CPNE7: variants seen among roughly 807,000 people sequenced by gnomAD.
CPNE7 encodes the protein copine 7, also known as copine-7.
CPNE7 carries 78 observed loss-of-function variants against 66.5 expected under a neutral mutation model. The ratio of observed to expected loss-of-function variants is 1.17; its 90% CI spans 0.98 to 1.42. The LOEUF is 1.42. CPNE7 is among the 40% of genes most tolerant of loss of function. The probability of loss-of-function intolerance (pLI) is 0.00; values close to 1 mark genes in which losing one functional copy is unlikely to be tolerated. For synonymous variants in CPNE7, 468 were observed against 336.7 expected, an observed-to-expected ratio of 1.39 and a Z score of -4.27; for missense variants, 1,012 against 776.6, an observed-to-expected ratio of 1.30 and a Z score of -3.60.
chr16:89,585,798 G>C lies in CPNE7; in HGVS notation c.780+13G>C, dbSNP rs1429302070. On this transcript the variant is annotated intron_variant, in intron 7 of 14. Transcript: ENST00000319518. ...TGAGGAGGGGCAGGTGAGCAGGACG[G>C]GGTAGGGGGTCCTCCAGGGAGGGTC... 6.9e-7 allele frequency: 1 copy of C among 1,439,270 alleles called. No individual in the cohort carries two copies. Among genetic ancestry groups the C allele is most frequent in the East Asian group, 2.6e-5 (1 of 37,856 alleles). 89.2% of individuals were successfully genotyped at this position (1,439,270 alleles called of 1,614,324 possible).
intron 3 of CPNE7, 39 bp downstream of exon 3, chr16:89,583,810 C>T (rs955171010): frequency 6.2e-6 from 10 of 1,603,882 alleles, no homozygotes; most frequent in South Asian, 1.1e-5. Flanking sequence ...GCAGGCCCTG[C>T]TGCTGTGGCT....
At position 89,580,434 on chromosome 16, in the gene CPNE7, A is replaced by AACATCCCATCACCCATCACACG. The variant is rs2058935465; in HGVS notation, c.357+2713_357+2714insACATCCCATCACCCATCACACG. Among the ~76,000 whole-genome samples the AACATCCCATCACCCATCACACG allele has an allele frequency of 3.1e-5, 2 of 65,444 alleles. 1 individual carries two copies. Among genetic ancestry groups the AACATCCCATCACCCATCACACG allele is most frequent in the Non-Finnish European group, 6.2e-5 (2 of 32,222 alleles). 42.9% of individuals were successfully genotyped at this position (65,444 alleles called of 152,430 possible). A position where few individuals can be genotyped will look rare whatever the true frequency, so the allele number is the denominator to read the frequency against. Reference sequence around the variant, plus strand: ...CGGAACATCCCATCACCCATCACACAGAACATCTCACCCATCACACGGAAC... The same window carrying AACATCCCATCACCCATCACACG: ...CGGAACATCCCATCACCCATCACACAACATCCCATCACCCATCACACGGAACATCTCACCCATCACACGGAAC... On this transcript the variant is annotated intron_variant, in intron 2 of 14. Transcript: ENST00000319518.
At chr16:89,592,275 A>G (rs2059185755) in intron 13 of CPNE7, among the ~76,000 whole-genome samples, 2 of 151,078 alleles carry the variant, frequency 1.3e-5, no homozygotes, top group African/African-American at 2.4e-5. Context: ...CGGCCTCCCA[A>G]AGTGCTGGGA....
At chr16:89,589,275 G>A (rs2059134136) in intron 10 of CPNE7, among the ~76,000 whole-genome samples, 1 of 152,182 alleles carries the variant, frequency 6.6e-6, no homozygotes. Flanking sequence ...CTGGGTGACA[G>A]AGCAAGACTC....
chr16:89,593,886 G>T (rs910620567), intron 13 of CPNE7, among the ~76,000 whole-genome samples: 11 of 152,174 alleles, frequency 7.2e-5, no homozygotes, highest in Non-Finnish European at 1.3e-4. Context: ...TTCCTGTGTG[G>T]CTGGGAAGCG....
At chr16:89,591,722 CAG>C (rs2059172603) in intron 13 of CPNE7, among the ~76,000 whole-genome samples, 1 of 152,140 alleles carries the variant, frequency 6.6e-6, no homozygotes, top group Non-Finnish European at 1.5e-5. Context: ...TTTTGTGAGA[CAG>C]AGTCTCACTC....
chr16:89,581,294 G>C (rs1399226451), intron 2 of CPNE7, among the ~76,000 whole-genome samples: 1 of 146,608 alleles, frequency 6.8e-6, no homozygotes, highest in Non-Finnish European at 1.5e-5. Flanking sequence ...CAGTCACACA[G>C]AACATCCCGT....
chr16:89,589,609 C>T (rs1474702255), intron 10 of CPNE7, among the ~76,000 whole-genome samples: 1 of 152,186 alleles, frequency 6.6e-6, no homozygotes, highest in Non-Finnish European at 1.5e-5. Flanking sequence ...CAGGACCCCT[C>T]CCGTGGTCTG....
In CPNE7 at chr16:89,595,535, C is replaced by T. The variant is rs773649602; in HGVS notation, c.1471C>T (p.Arg491Cys). ...CCTGGACGGCGACGACGGCGTCCTGCGCTCCCCACGGGGTGAGCCCGCGCT... is the reference window on the plus strand; with the variant it reads ...CCTGGACGGCGACGACGGCGTCCTGTGCTCCCCACGGGGTGAGCCCGCGCT... ...QVLDGDDGVLRSPRGEPALRD... is the reference protein window; with the variant it reads ...QVLDGDDGVLCSPRGEPALRD... The change falls in exon 14 of 15, where the codon CGC (arginine) becomes TGC (cysteine). Residue 491 changes from arginine to cysteine, a missense_variant. By Grantham distance (180) the Arg-to-Cys change is radical (BLOSUM62 -3). Transcript: ENST00000319518. The T allele has an allele frequency of 3.9e-5, 63 of 1,612,398 alleles. No individual in the cohort carries two copies. Among genetic ancestry groups the T allele is most frequent in the Admixed American group, 8.3e-5 (5 of 59,982 alleles).
intron 2 of CPNE7, 107 bp from the exon 3 acceptor site, chr16:89,583,590 T>A: frequency 6.2e-7 from 1 of 1,604,798 alleles, no homozygotes; most frequent in South Asian, 1.1e-5. Context: ...TGGTGGGGGA[T>A]GGGGAGACAG....
Position 89,584,908 on chromosome 16 carries a change from C to T in CPNE7, c.591+51C>T. The T allele has an allele frequency of 6.7e-7, 1 of 1,501,332 alleles. No homozygotes were observed. The highest frequency in any genetic ancestry group is 9.2e-7 in the Non-Finnish European group (1 of 1,082,356). The allele number at this position is 1,501,332 out of a possible 1,614,324, so 93.0% of individuals were successfully genotyped here. A position where few individuals can be genotyped will look rare whatever the true frequency, so the allele number is the denominator to read the frequency against. ...GGGAGGGGAAGGGGCTGTCCCCAGC[C>T]CTCACGCATCTCTGGCCACATGGGA... On this transcript the variant is annotated intron_variant, in intron 5 of 14. Transcript: ENST00000319518. This position sits in a 1 kb window ranked among gnomAD's most constrained non-coding sequence, Gnocchi z 6.0.
intron 2 of CPNE7, among the ~76,000 whole-genome samples, chr16:89,582,641 G>T (rs2058973538): frequency 6.6e-6 from 1 of 152,190 alleles, no homozygotes; most frequent in Admixed American, 6.5e-5. Context: ...AACCTGACTT[G>T]ACTTCCCCAG....
intron 11 of CPNE7, 53 bp downstream of exon 11, chr16:89,590,004 C>T: frequency 6.3e-7 from 1 of 1,599,988 alleles, no homozygotes; most frequent in South Asian, 1.1e-5. Flanking sequence ...TCGTGCCCTC[C>T]CAGGCAGAGG....
intron 2 of CPNE7, among the ~76,000 whole-genome samples, chr16:89,579,219 G>A (rs1443786585): frequency 6.6e-6 from 1 of 151,892 alleles, no homozygotes; most frequent in East Asian, 1.9e-4. Flanking sequence ...TTGAACCTGG[G>A]AGGCAGAGGT....
intron 6 of CPNE7, 21 bp downstream of exon 6, chr16:89,585,574 AG>A: frequency 6.6e-7 from 1 of 1,516,682 alleles, no homozygotes; most frequent in Non-Finnish European, 9.1e-7. Context: ...GGATGGACCA[AG>A]GGGGCAGTGA....
intron 7 of CPNE7, 39 bp from the exon 8 acceptor site, chr16:89,586,631 G>T: frequency 6.4e-7 from 1 of 1,557,172 alleles, no homozygotes; most frequent in Non-Finnish European, 8.9e-7. Context: ...GGTGTTCAGA[G>T]CCACCACTCT....
chr16:89,591,460 C>T (rs1163729432), intron 13 of CPNE7, among the ~76,000 whole-genome samples, 200 bp downstream of exon 13: 1 of 152,236 alleles, frequency 6.6e-6, no homozygotes, highest in East Asian at 1.9e-4. Flanking sequence ...ACAGGGCTGT[C>T]CATCGCCTCA....
chr16:89,586,857 C>T (rs2059048928), intron 8 of CPNE7, 101 bp downstream of exon 8: 2 of 1,207,798 alleles, frequency 1.7e-6, no homozygotes, highest in Admixed American at 1.8e-5. Context: ...CCTGGTGGGC[C>T]CCAGCACGTC....
At position 89,596,765 on chromosome 16, in the gene CPNE7, T is replaced by C; in HGVS notation, c.*144T>C. 9.2e-7 allele frequency: 1 copy of C among 1,090,396 alleles called. No individual in the cohort carries two copies. The highest frequency in any genetic ancestry group is 3.5e-5 in the Admixed American group (1 of 28,252). The allele number at this position is 1,090,396 out of a possible 1,614,324, so 67.5% of individuals were successfully genotyped here. A position where few individuals can be genotyped will look rare whatever the true frequency, so the allele number is the denominator to read the frequency against. On this transcript the variant is annotated 3_prime_UTR_variant, in exon 15 of 15. Transcript: ENST00000319518. ...GGCCCCACTCCCAGTCCTCCTGGGA[T>C]CCTGCTGGCTTGGGCCCGGCTCTGG...
Sources: allele counts gnomAD v4.1 joint callset (sites outside exome capture counted in the v4.1 genomes callset), GRCh38; gene constraint gnomAD v4.1.1; non-coding constraint Gnocchi (gnomAD v3.1); transcripts MANE v1.5; gene names NCBI Gene and HGNC (gene_info 2026-07-23, HGNC 2026-07-21).